Variants in GABBR2 observed in about 807,000 individuals in gnomAD.
GABBR2 encodes the protein gamma-aminobutyric acid type B receptor subunit 2.
Under a neutral mutation model 105.6 loss-of-function variants are expected in GABBR2, and 23 were observed. The observed-to-expected ratio is 0.22, with a 90% CI of 0.16 to 0.31. GABBR2 has a LOEUF of 0.31. Among genes scored for constraint, GABBR2 ranks in the 10% least tolerant of loss-of-function variants. GABBR2 has a pLI of 1.00. For missense variants in GABBR2, 734 were observed against 1,245.5 expected, an observed-to-expected ratio of 0.59 and a Z score of 6.18; for synonymous variants, 478 against 499.7, an observed-to-expected ratio of 0.96 and a Z score of 0.58.
intron 7 of GABBR2, among the ~76,000 whole-genome samples, chr9:98,410,607 C>T (rs980574163): frequency 1.3e-5 from 2 of 150,750 alleles, no homozygotes; most frequent in African/African-American, 2.4e-5. Context: ...ATTCCTGAAC[C>T]GTTGGAGTGT....
In GABBR2 at chr9:98,547,599, A is replaced by C. The variant is rs184907217; in HGVS notation, c.460-5556T>G. 1.2e-3 allele frequency among the ~76,000 whole-genome samples: 145 copies of C among 120,766 alleles called. 24 individuals carry two copies. The highest frequency in any genetic ancestry group is 3.6e-3 in the African/African-American group (138 of 37,864). The allele number at this position is 120,766 out of a possible 152,430, so 79.2% of individuals were successfully genotyped here. ...ATCTTATTTTACTGTATTTTATTAC[A>C]AGGTATGTGCATATTAGCTTTCACT... On this transcript the variant is annotated intron_variant, in intron 2 of 18. Transcript: ENST00000259455.
intron 11 of GABBR2, among the ~76,000 whole-genome samples, chr9:98,374,844 C>T (rs1402943233): frequency 1.3e-5 from 2 of 152,146 alleles, no homozygotes. Flanking sequence ...TAAGTCATAG[C>T]TGCGAGTATG....
Position 98,290,388 on chromosome 9 carries a change from CAAAT to C in GABBR2, c.*192_*195del. 7.1e-6 allele frequency: 2 copies of C among 280,746 alleles called. No individual in the cohort carries two copies. Among genetic ancestry groups the C allele is most frequent in the Non-Finnish European group, 1.3e-5 (2 of 151,480 alleles). 17.4% of individuals were successfully genotyped at this position (280,746 alleles called of 1,614,324 possible). A position where few individuals can be genotyped will look rare whatever the true frequency, so the allele number is the denominator to read the frequency against. On this transcript the variant is annotated 3_prime_UTR_variant, in exon 19 of 19. Transcript: ENST00000259455. ...TCTTTGTGAAGAAATAAGGACTTCACAAATAAGGCTCGAGGTCAGGTGCCAAGTC... is the reference window on the plus strand; with the variant it reads ...TCTTTGTGAAGAAATAAGGACTTCACAAGGCTCGAGGTCAGGTGCCAAGTC...
At chr9:98,303,040 G>A (rs1229757955) in intron 16 of GABBR2, 1 of 499,912 alleles carries the variant, frequency 2.0e-6, no homozygotes, top group Non-Finnish European at 3.5e-6. Context: ...TGGGTGAGGT[G>A]GGCAATAAGC....
intron 18 of GABBR2, 138 bp from the exon 19 acceptor site, chr9:98,290,887 A>T (rs1236892098): frequency 4.0e-6 from 2 of 499,434 alleles, no homozygotes; most frequent in Non-Finnish European, 6.9e-6. Flanking sequence ...CCATCCAATC[A>T]TCTAACCATT....
chr9:98,551,006 G>C (rs1294942345), intron 2 of GABBR2, among the ~76,000 whole-genome samples: 1 of 152,114 alleles, frequency 6.6e-6, no homozygotes, highest in East Asian at 1.9e-4. Flanking sequence ...ACAGTGGATA[G>C]ATGAATGAAT....
At chr9:98,569,995 G>C (rs1828804938) in intron 2 of GABBR2, among the ~76,000 whole-genome samples, 1 of 152,208 alleles carries the variant, frequency 6.6e-6, no homozygotes, top group South Asian at 2.1e-4. Flanking sequence ...CTGATTTGGG[G>C]GTTCTCACTG....
chr9:98,334,434 T>C (rs1402534232), intron 13 of GABBR2, among the ~76,000 whole-genome samples: 1 of 152,196 alleles, frequency 6.6e-6, no homozygotes, highest in Non-Finnish European at 1.5e-5. Context: ...CAAGCAAGGT[T>C]ATCTCAGGCC....
At chr9:98,554,653 T>G (rs368813240) in intron 2 of GABBR2, among the ~76,000 whole-genome samples, 67 of 152,360 alleles carry the variant, frequency 4.4e-4, no homozygotes, top group African/African-American at 1.6e-3. Flanking sequence ...ACAGCATTTA[T>G]TTATTATGAT....
chr9:98,485,476 A>G (rs1330355087), intron 4 of GABBR2, among the ~76,000 whole-genome samples: 1 of 150,750 alleles, frequency 6.6e-6, no homozygotes, highest in Non-Finnish European at 1.5e-5. Flanking sequence ...GGATGCTTAA[A>G]GAGAGCTAAA....
chr9:98,511,994 T>C (rs949630553), intron 3 of GABBR2, among the ~76,000 whole-genome samples: 2 of 152,190 alleles, frequency 1.3e-5, no homozygotes, highest in African/African-American at 4.8e-5. Flanking sequence ...TGAACATCGA[T>C]GCAGAAATCC....
At chr9:98,543,558 C>T (rs1002315465) in intron 2 of GABBR2, among the ~76,000 whole-genome samples, 1 of 151,958 alleles carries the variant, frequency 6.6e-6, no homozygotes, top group Non-Finnish European at 1.5e-5. Context: ...AGAGAAGGGG[C>T]CTCACTATGT....
intron 3 of GABBR2, among the ~76,000 whole-genome samples, chr9:98,514,553 A>G (rs539565494): frequency 5.3e-5 from 8 of 150,292 alleles, no homozygotes; most frequent in Non-Finnish European, 8.9e-5. Flanking sequence ...GCAAGGACAA[A>G]AAAACAAACA....
chr9:98,529,122 C>A (rs1828016657), intron 3 of GABBR2, among the ~76,000 whole-genome samples: 1 of 151,946 alleles, frequency 6.6e-6, no homozygotes, highest in East Asian at 1.9e-4. Flanking sequence ...CCTGTCCCAT[C>A]CCCGAATCCT....
chr9:98,585,653 TA>T (rs952661438), intron 1 of GABBR2, among the ~76,000 whole-genome samples: 3 of 151,850 alleles, frequency 2.0e-5, no homozygotes, highest in South Asian at 2.1e-4. Flanking sequence ...ATAATAAAAT[TA>T]AAAAAATATA....
rs531786145 is a variant in GABBR2, at chr9:98,356,393, C to T, written c.1893+6322G>A. ...TCTGAACAGTCTTCTCACTAGATGG[C>T]AAATAAGCATATGAAAAGATGCTCA... On this transcript the variant is annotated intron_variant, in intron 13 of 18. Coordinates refer to ENST00000259455, the MANE Select transcript of GABBR2 (RefSeq NM_005458.8). 1.6e-4 allele frequency among the ~76,000 whole-genome samples: 25 copies of T among 152,226 alleles called. No homozygotes were observed. In the South Asian group the frequency reaches 4.8e-3, roughly 29 times the overall value.
intron 13 of GABBR2, among the ~76,000 whole-genome samples, chr9:98,333,154 T>G (rs1356760323): frequency 1.3e-5 from 2 of 152,160 alleles, no homozygotes; most frequent in Non-Finnish European, 2.9e-5. Flanking sequence ...TAATAAATGA[T>G]GCTCTGTATG....
chr9:98,367,506 T>G (rs550166543), intron 12 of GABBR2, among the ~76,000 whole-genome samples: 3 of 152,048 alleles, frequency 2.0e-5, no homozygotes, highest in Non-Finnish European at 4.4e-5. Flanking sequence ...TGAATGGGTA[T>G]GGAGTTTCAG....
intron 7 of GABBR2, among the ~76,000 whole-genome samples, chr9:98,423,683 G>A (rs1832824896): frequency 6.6e-6 from 1 of 152,206 alleles, no homozygotes; most frequent in Admixed American, 6.5e-5. Context: ...CCTTGCCCAT[G>A]CCTATGTCCT....
Sources: allele counts gnomAD v4.1 joint callset (sites outside exome capture counted in the v4.1 genomes callset), GRCh38; gene constraint gnomAD v4.1.1; transcripts MANE v1.5; gene names NCBI Gene and HGNC (gene_info 2026-07-23, HGNC 2026-07-21).